The following TMIGD3 variants were observed in gnomAD, a reference collection of about 807,000 sequenced individuals.
TMIGD3 encodes transmembrane and immunoglobulin domain containing 3.
A neutral mutation model predicts 28.1 loss-of-function variants in TMIGD3; 21 were observed. That is an observed-to-expected ratio of 0.75 (90% CI 0.53 to 1.08). TMIGD3 has a LOEUF of 1.08. Among genes scored for constraint, TMIGD3 ranks in the 50% least tolerant of loss-of-function variants. TMIGD3 has a pLI of 0.00. For missense variants in TMIGD3, 416 were observed against 435.6 expected (o/e 0.96, Z 0.40); for synonymous variants, 151 against 162.1 (o/e 0.93, Z 0.52).
intron 1 of TMIGD3, among the ~76,000 whole-genome samples, chr1:111,508,968 G>A (rs1655603420): frequency 6.6e-6 from 1 of 152,196 alleles, no homozygotes; most frequent in South Asian, 2.1e-4. Context: ...GGTGGCGGGC[G>A]CCTGTAATCC....
Position 111,486,595 on chromosome 1 carries a change from T to G in TMIGD3, c.863A>C (p.Asp288Ala), listed in dbSNP as rs762582313. Residue 288 changes from aspartate (D) to alanine (A), a missense_variant, in exon 4 of 6, where the codon GAC becomes GCC. Transcript: ENST00000369716. ...CKAPKVVRKA[D>A]RSRTSILIIC... ...CAAGACTATGACTCACCTGGAGCGG[T>G]CAGCCTTGCGGACAACTTTGGGAGC... 6.2e-7 allele frequency: 1 copy of G among 1,612,478 alleles called. No individual in the cohort carries two copies. Among genetic ancestry groups the G allele is most frequent in the Non-Finnish European group, 8.5e-7 (1 of 1,179,564 alleles).
At chr1:111,505,034 C>T (rs951324977), upstream of TMIGD3, 4 of 983,688 alleles carry the variant, frequency 4.1e-6, no homozygotes, top group Middle Eastern at 5.2e-4. Context: ...CAATGTGTCC[C>T]TCATAAATGT....
At chr1:111,538,178 C>G (rs1055157860) in intron 1 of TMIGD3, among the ~76,000 whole-genome samples, 8 of 152,156 alleles carry the variant, frequency 5.3e-5, no homozygotes, top group African/African-American at 1.9e-4. Flanking sequence ...CAAAAAAACA[C>G]AATTTGTGCC....
At position 111,490,709 on chromosome 1, in the gene TMIGD3, C is replaced by G; in HGVS notation, c.404G>C (p.Cys135Ser). The stretch of plus-strand genomic sequence containing the variant: ...GAAGAGCCACATGACTGGAAGGAAG[C>G]AAACTTTCAACTGGAATGATAGAAT... The part of the protein sequence containing the change: ...GCILSFQLKV[C>S]FLPVMWLFIL... Residue 135 changes from cysteine (C) to serine (S), a missense_variant, in exon 2 of 6, where the codon TGC becomes TCC. Transcript: ENST00000369716. 1 of 1,614,050 alleles carries G rather than the reference C, an allele frequency of 6.2e-7. No homozygotes were observed. Among genetic ancestry groups the G allele is most frequent in the Non-Finnish European group, 8.5e-7 (1 of 1,180,012 alleles).
intron 1 of TMIGD3, among the ~76,000 whole-genome samples, chr1:111,533,769 G>C (rs989352717): frequency 6.6e-6 from 1 of 152,110 alleles, no homozygotes; most frequent in Non-Finnish European, 1.5e-5. Context: ...TGCCCAGGCT[G>C]GTCTCGAACT....
At chr1:111,508,796 C>T (rs956860760) in intron 1 of TMIGD3, among the ~76,000 whole-genome samples, 6 of 152,208 alleles carry the variant, frequency 3.9e-5, no homozygotes, top group African/African-American at 1.4e-4. Flanking sequence ...GAATGAATGA[C>T]CTGCTCAGGA....
chr1:111,508,639 G>C (rs146390832), intron 1 of TMIGD3, among the ~76,000 whole-genome samples: 1 of 152,206 alleles, frequency 6.6e-6, no homozygotes, highest in Admixed American at 6.5e-5. Context: ...CCAGAAGGTT[G>C]AGAAGCAGCT....
intron 1 of TMIGD3, among the ~76,000 whole-genome samples, chr1:111,563,309 G>A (rs148198554): frequency 5.3e-5 from 8 of 151,464 alleles, no homozygotes; most frequent in Non-Finnish European, 7.4e-5. Context: ...AATAAACCCA[G>A]TACTGAAGTC....
intron 1 of TMIGD3, among the ~76,000 whole-genome samples, chr1:111,511,658 C>G (rs1346444000): frequency 6.9e-6 from 1 of 145,408 alleles, no homozygotes; most frequent in Non-Finnish European, 1.5e-5. Context: ...TGTGATCTAT[C>G]TCAAATGGTG....
At chr1:111,554,543 A>G (rs1182292384) in intron 1 of TMIGD3, among the ~76,000 whole-genome samples, 1 of 152,234 alleles carries the variant, frequency 6.6e-6, no homozygotes, top group East Asian at 1.9e-4. Context: ...ACACAAATTC[A>G]AAAGTAAGAT....
chr1:111,542,166 C>T (rs1250808107), intron 1 of TMIGD3: 2 of 442,544 alleles, frequency 4.5e-6, no homozygotes, highest in Non-Finnish European at 9.1e-6. Flanking sequence ...GAGTAGATGC[C>T]TTGGATAATC....
chr1:111,516,183 T>G (rs1388641331), intron 1 of TMIGD3, among the ~76,000 whole-genome samples: 1 of 152,216 alleles, frequency 6.6e-6, no homozygotes, highest in African/African-American at 2.4e-5. Context: ...CACCTTGTGC[T>G]AAAGTTGGCC....
At chr1:111,543,090 A>G (rs1261655348) in intron 1 of TMIGD3, among the ~76,000 whole-genome samples, 1 of 152,210 alleles carries the variant, frequency 6.6e-6, no homozygotes, top group Non-Finnish European at 1.5e-5. Context: ...ATATTTCTGA[A>G]GAAATTATTT....
In TMIGD3 at chr1:111,503,408, T is replaced by C. The variant is rs1367092034; in HGVS notation, c.-54A>G. Reference sequence around the variant, plus strand: ...GACAGGTGAGCCAGCAAGATCCGTCTGTAGGGCCAGTGGGCCTAGCTCTCG... The same window carrying C: ...GACAGGTGAGCCAGCAAGATCCGTCCGTAGGGCCAGTGGGCCTAGCTCTCG... On this transcript the variant is annotated 5_prime_UTR_variant, in exon 1 of 6. Coordinates refer to ENST00000369716, the MANE Select transcript of TMIGD3 (RefSeq NM_020683.7). The C allele has an allele frequency of 1.9e-5, 29 of 1,546,248 alleles. No individual in the cohort carries two copies. The highest frequency in any genetic ancestry group is 2.5e-5 in the Non-Finnish European group (28 of 1,141,698).
intron 2 of TMIGD3, chr1:111,489,493 T>G: frequency 1.1e-6 from 1 of 876,962 alleles, no homozygotes; most frequent in Non-Finnish European, 1.4e-6. Context: ...GGAAATAAAT[T>G]TCCATTGTTT....
At chr1:111,552,128 C>T (rs182804948) in intron 1 of TMIGD3, among the ~76,000 whole-genome samples, 2 of 152,314 alleles carry the variant, frequency 1.3e-5, no homozygotes, top group East Asian at 3.8e-4. Flanking sequence ...CAAATGACTC[C>T]AGATAGTGAC....
At chr1:111,563,694 G>A (rs1657836413) in intron 1 of TMIGD3, 4 of 604,480 alleles carry the variant, frequency 6.6e-6, no homozygotes, top group Non-Finnish European at 8.9e-6. Context: ...ACAACCCTGT[G>A]GAATACAAAT....
chr1:111,493,657 C>CA (rs1359879138), intron 1 of TMIGD3, among the ~76,000 whole-genome samples: 1 of 151,978 alleles, frequency 6.6e-6, no homozygotes, highest in Non-Finnish European at 1.5e-5. Context: ...AAGTAAAAAT[C>CA]AAAAAACAAA....
At chr1:111,494,412 C>T (rs551889359) in intron 1 of TMIGD3, among the ~76,000 whole-genome samples, 1 of 152,286 alleles carries the variant, frequency 6.6e-6, no homozygotes, top group South Asian at 2.1e-4. Context: ...TTCCTATAAA[C>T]CAAGAACAGC....
Sources: allele counts gnomAD v4.1 joint callset (sites outside exome capture counted in the v4.1 genomes callset), GRCh38; gene constraint gnomAD v4.1.1; transcripts MANE v1.5; gene names NCBI Gene and HGNC (gene_info 2026-07-23, HGNC 2026-07-21).